The following RABGAP1L variants were observed in gnomAD, a reference collection of about 807,000 sequenced individuals.
The protein encoded by RABGAP1L is rab GTPase-activating protein 1-like.
RABGAP1L carries 63 observed loss-of-function variants against 137.7 expected under a neutral mutation model. The ratio of observed to expected loss-of-function variants is 0.46; its 90% CI spans 0.37 to 0.56. The LOEUF is 0.56. Among genes scored for constraint, RABGAP1L ranks in the 20% least tolerant of loss-of-function variants. The pLI, the probability that RABGAP1L is intolerant of heterozygous loss-of-function variation, is 0.00. For synonymous variants in RABGAP1L, 431 were observed against 433.7 expected, an observed-to-expected ratio of 0.99 and a Z score of 0.08; for missense variants, 1,095 against 1,244.0, an observed-to-expected ratio of 0.88 and a Z score of 1.80.
chr1:174,457,588 C>T (rs1254304976), intron 13 of RABGAP1L, among the ~76,000 whole-genome samples: 1 of 150,816 alleles, frequency 6.6e-6, no homozygotes, highest in Admixed American at 6.6e-5. Flanking sequence ...CTGCAATGTC[C>T]TCCTCCCAGG....
At chr1:174,491,613 C>T (rs75222047) in intron 13 of RABGAP1L, among the ~76,000 whole-genome samples, 12,048 of 152,122 alleles carry the variant, frequency 0.079, 668 homozygotes, top group East Asian at 0.32. Flanking sequence ...CATGTCCCCC[C>T]AGTCCACTGG....
intron 1 of RABGAP1L, among the ~76,000 whole-genome samples, chr1:174,162,775 C>CTTT (rs1571316527): frequency 1.3e-4 from 3 of 23,438 alleles, no homozygotes; most frequent in African/African-American, 1.8e-4. Flanking sequence ...TTTTCTCTTT[C>CTTT]TGTTTTTTTT....
At chr1:174,296,541 A>G (rs1399391154) in intron 10 of RABGAP1L, among the ~76,000 whole-genome samples, 1 of 152,190 alleles carries the variant, frequency 6.6e-6, no homozygotes, top group Non-Finnish European at 1.5e-5. Context: ...TTAGAAGTTA[A>G]TTTCTTCGGC....
chr1:174,703,192 TCTGGGC>T (rs1393848693), intron 17 of RABGAP1L, among the ~76,000 whole-genome samples: 2 of 152,188 alleles, frequency 1.3e-5, no homozygotes, highest in Non-Finnish European at 2.9e-5. Flanking sequence ...AGTGGTTAAG[TCTGGGC>T]TTTTAGTGTA....
chr1:174,406,425 T>C (rs1455060128), intron 13 of RABGAP1L, among the ~76,000 whole-genome samples: 1 of 152,302 alleles, frequency 6.6e-6, no homozygotes, highest in East Asian at 1.9e-4. Flanking sequence ...ATTATGGAAT[T>C]AGAGTAGGAG....
intron 20 of RABGAP1L, among the ~76,000 whole-genome samples, chr1:174,961,228 A>G (rs958081362): frequency 6.6e-6 from 1 of 152,194 alleles, no homozygotes; most frequent in African/African-American, 2.4e-5. Context: ...AATTAGGATA[A>G]AGATTTGACT....
chr1:174,864,514 A>G (rs1407330283), intron 19 of RABGAP1L, among the ~76,000 whole-genome samples: 1 of 152,190 alleles, frequency 6.6e-6, no homozygotes, highest in Non-Finnish European at 1.5e-5. Flanking sequence ...ACATGGTGGC[A>G]GGAAGGAGAA....
At chr1:174,473,553 G>A (rs970471508) in intron 13 of RABGAP1L, among the ~76,000 whole-genome samples, 1 of 152,130 alleles carries the variant, frequency 6.6e-6, no homozygotes, top group Non-Finnish European at 1.5e-5. Context: ...TCCTTAGGAT[G>A]TTACCTTAGA....
chr1:174,755,238 A>T (rs1403545811), intron 18 of RABGAP1L, among the ~76,000 whole-genome samples: 1 of 152,220 alleles, frequency 6.6e-6, no homozygotes, highest in Non-Finnish European at 1.5e-5. Context: ...TCAGGTAGCT[A>T]AAAAGCTATG....
chr1:174,386,737 G>A (rs937455414), intron 12 of RABGAP1L, among the ~76,000 whole-genome samples: 7 of 152,046 alleles, frequency 4.6e-5, no homozygotes, highest in African/African-American at 1.7e-4. Context: ...TTGAACTCCT[G>A]ACCTCATGAT....
intron 19 of RABGAP1L, chr1:174,849,753 G>T (rs1030204048): frequency 4.1e-6 from 2 of 492,892 alleles, no homozygotes; most frequent in African/African-American, 2.0e-5. Flanking sequence ...GTATTCTTGG[G>T]CTATTTTCTC....
chr1:174,597,920 A>G (rs1216452032), intron 13 of RABGAP1L, among the ~76,000 whole-genome samples: 1 of 152,166 alleles, frequency 6.6e-6, no homozygotes, highest in Non-Finnish European at 1.5e-5. Flanking sequence ...CTGGTCATTC[A>G]GCAGCATAGT....
chr1:174,874,218 C>T (rs1217999096), intron 19 of RABGAP1L, among the ~76,000 whole-genome samples: 1 of 148,226 alleles, frequency 6.7e-6, no homozygotes, highest in Non-Finnish European at 1.5e-5. Context: ...TCAAATAAAC[C>T]TATTTCTATC....
At chr1:174,678,499 G>A (rs927031601) in intron 14 of RABGAP1L, among the ~76,000 whole-genome samples, 5 of 151,980 alleles carry the variant, frequency 3.3e-5, no homozygotes, top group Admixed American at 1.3e-4. Context: ...AACTTAATAC[G>A]GTAATATAAA....
At chr1:174,688,067 A>G (rs1290125513) in intron 15 of RABGAP1L, among the ~76,000 whole-genome samples, 1 of 152,156 alleles carries the variant, frequency 6.6e-6, no homozygotes. Context: ...TTTGTCATTT[A>G]CAGTTGGAGA....
chr1:174,447,905 C>T (rs1261496640), intron 13 of RABGAP1L, among the ~76,000 whole-genome samples: 1 of 131,632 alleles, frequency 7.6e-6, no homozygotes, highest in East Asian at 2.8e-4. Context: ...CCCCCCACCC[C>T]CCCGCCCGAA....
chr1:174,669,587 T>A (rs1244022466), intron 14 of RABGAP1L, among the ~76,000 whole-genome samples: 2 of 152,228 alleles, frequency 1.3e-5, no homozygotes, highest in Non-Finnish European at 2.9e-5. Context: ...GTTTTCTCTT[T>A]ATTTTCTTCT....
At chr1:174,541,110 G>A (rs1187120051) in intron 13 of RABGAP1L, among the ~76,000 whole-genome samples, 4 of 152,190 alleles carry the variant, frequency 2.6e-5, no homozygotes, top group Admixed American at 1.3e-4. Context: ...TTGATGTAGA[G>A]GAATGCTTGT....
chr1:174,725,305 T>C (rs184019766), intron 17 of RABGAP1L, among the ~76,000 whole-genome samples: 2 of 152,286 alleles, frequency 1.3e-5, no homozygotes, highest in East Asian at 3.9e-4. Flanking sequence ...ATATTATTGG[T>C]GGTGTGTCTC....
Sources: allele counts gnomAD v4.1 joint callset (sites outside exome capture counted in the v4.1 genomes callset), GRCh38; gene constraint gnomAD v4.1.1; transcripts MANE v1.5; gene names NCBI Gene and HGNC (gene_info 2026-07-23, HGNC 2026-07-21).